ZIM2: variants seen among roughly 807,000 people sequenced by gnomAD.
ZIM2 encodes zinc finger imprinted 2.
A neutral mutation model predicts 38.6 loss-of-function variants in ZIM2; 14 were observed. The observed-to-expected ratio is 0.36, with a 90% confidence interval of 0.24 to 0.57. ZIM2 has a LOEUF of 0.57. Among genes scored for constraint, ZIM2 ranks in the 20% least tolerant of loss-of-function variants. The pLI is 0.81. For missense variants in ZIM2, 680 were observed against 695.1 expected, an observed-to-expected ratio of 0.98 and a Z score of 0.24; for synonymous variants, 247 against 245.8, an observed-to-expected ratio of 1.00 and a Z score of -0.04.
intron 1 of ZIM2, among the ~76,000 whole-genome samples, chr19:56,838,974 T>C (rs906237012): frequency 1.3e-5 from 2 of 152,070 alleles, no homozygotes; most frequent in African/African-American, 4.8e-5. Flanking sequence ...CACTTCAGCC[T>C]TGCCCCGCCG....
intron 9 of ZIM2, chr19:56,810,226 T>C: frequency 3.1e-6 from 3 of 983,210 alleles, no homozygotes; most frequent in Non-Finnish European, 3.6e-6. Flanking sequence ...GGTGAAAACA[T>C]GGGTGAGTTT....
intron 9 of ZIM2, among the ~76,000 whole-genome samples, chr19:56,792,405 C>T (rs2046980166): frequency 6.6e-6 from 1 of 151,268 alleles, no homozygotes; most frequent in Non-Finnish European, 1.5e-5. Flanking sequence ...GTGGTGGGCC[C>T]CTGGAATTCT....
chr19:56,799,379 G>C (rs2047392204), intron 9 of ZIM2: 1 of 152,154 alleles, frequency 6.6e-6, no homozygotes, highest in Admixed American at 6.5e-5. Context: ...GTTCTCACTT[G>C]TAAGTGGTAG....
intron 2 of ZIM2, among the ~76,000 whole-genome samples, chr19:56,827,627 T>G (rs1342307471): frequency 6.6e-6 from 1 of 152,230 alleles, no homozygotes; most frequent in African/African-American, 2.4e-5. Flanking sequence ...CTCCTACAAA[T>G]TCTACTTCTA....
intron 9 of ZIM2, chr19:56,810,245 C>T: frequency 1.1e-5 from 11 of 983,482 alleles, no homozygotes; most frequent in Non-Finnish European, 1.3e-5. Context: ...TTCTCTTCTA[C>T]ATTTCTGTAA....
intron 9 of ZIM2, among the ~76,000 whole-genome samples, chr19:56,796,106 A>G (rs1261937898): frequency 2.0e-5 from 3 of 152,130 alleles, no homozygotes; most frequent in Non-Finnish European, 2.9e-5. Context: ...TACTTGTAGA[A>G]GAAATGTATA....
chr19:56,821,612 A>T (rs1245343626), intron 7 of ZIM2, 39 bp downstream of exon 7: 1 of 1,609,234 alleles, frequency 6.2e-7, no homozygotes, highest in South Asian at 1.1e-5. Flanking sequence ...CCATGAAATG[A>T]AGATGGCCTT....
chr19:56,820,429 G>C (rs1048468488), intron 7 of ZIM2, among the ~76,000 whole-genome samples: 1 of 152,158 alleles, frequency 6.6e-6, no homozygotes, highest in African/African-American at 2.4e-5. Flanking sequence ...TCAAGGAAGG[G>C]CATTTAAAAA....
At chr19:56,793,947 C>A (rs2047068523) in intron 9 of ZIM2, among the ~76,000 whole-genome samples, 1 of 151,978 alleles carries the variant, frequency 6.6e-6, no homozygotes, top group Admixed American at 6.6e-5. Context: ...ATGACTGGAA[C>A]CAGGCATTAG....
chr19:56,827,312 T>C (rs2061137493), intron 2 of ZIM2, among the ~76,000 whole-genome samples: 1 of 152,162 alleles, frequency 6.6e-6, no homozygotes, highest in Admixed American at 6.5e-5. Context: ...ATACACAATC[T>C]TCCCTTAACA....
At chr19:56,820,974 T>C (rs1378430593) in intron 7 of ZIM2, among the ~76,000 whole-genome samples, 1 of 152,182 alleles carries the variant, frequency 6.6e-6, no homozygotes, top group Non-Finnish European at 1.5e-5. Context: ...AAGTGACCCC[T>C]CTCCTCCTTC....
intron 2 of ZIM2, among the ~76,000 whole-genome samples, chr19:56,829,540 T>C (rs2061383989): frequency 6.6e-6 from 1 of 152,088 alleles, no homozygotes. Context: ...GTAACCACAG[T>C]CCTAACACAA....
At chr19:56,791,858 T>G (rs547094932) in intron 9 of ZIM2, among the ~76,000 whole-genome samples, 1 of 152,316 alleles carries the variant, frequency 6.6e-6, no homozygotes, top group South Asian at 2.1e-4. Context: ...CAGTCAAATT[T>G]TGGCAGAAGT....
At chr19:56,823,744 T>G in intron 4 of ZIM2, 65 bp from the exon 5 acceptor site, 1 of 1,571,230 alleles carries the variant, frequency 6.4e-7, no homozygotes, top group South Asian at 1.1e-5. Context: ...TTCCCCCCAA[T>G]CCCTGAGCCG....
At position 56,824,298 on chromosome 19, in the gene ZIM2, G is replaced by A. The variant is rs199583089; in HGVS notation, c.-21C>T. 1.9e-5 allele frequency: 30 copies of A among 1,613,986 alleles called. No homozygotes were observed. The highest frequency in any genetic ancestry group is 2.2e-5 in the East Asian group (1 of 44,860). ...TACATCTCCTTGTAATTCTCCAGCA[G>A]AGTGACGAGCTTCTCACAGTTCTCC... On this transcript the variant is annotated 5_prime_UTR_variant, in exon 4 of 13. Coordinates refer to ENST00000629319, the MANE Select transcript of ZIM2 (RefSeq NM_001387356.1).
intron 9 of ZIM2, 44 bp from the exon 10 acceptor site, chr19:56,789,995 T>G (rs754779417): frequency 1.4e-6 from 2 of 1,449,512 alleles, no homozygotes; most frequent in Admixed American, 4.0e-5. Flanking sequence ...TCCTGTCTGG[T>G]AGCACTGACA....
At chr19:56,812,416 G>C (rs998292457) in intron 9 of ZIM2, 2 of 974,624 alleles carry the variant, frequency 2.1e-6, no homozygotes, top group South Asian at 4.8e-5. Context: ...TGACTGTAAA[G>C]AATTTTTTTT....
intron 9 of ZIM2, among the ~76,000 whole-genome samples, chr19:56,801,363 C>A (rs1217942786): frequency 6.6e-6 from 1 of 152,182 alleles, no homozygotes; most frequent in African/African-American, 2.4e-5. Context: ...CCTTACCAAT[C>A]CCCTTCAGAC....
chr19:56,834,227 T>G (rs191938854), intron 2 of ZIM2, among the ~76,000 whole-genome samples: 4 of 152,216 alleles, frequency 2.6e-5, no homozygotes, highest in Non-Finnish European at 5.9e-5. Flanking sequence ...ATCTACAGGA[T>G]AGTGAACAAC....
Sources: gnomAD v4.1 joint callset for allele counts (sites outside exome capture counted in the v4.1 genomes callset) on GRCh38, gnomAD v4.1.1 for gene constraint, MANE v1.5 for transcripts, NCBI Gene and HGNC (gene_info 2026-07-23, HGNC 2026-07-21) for gene names.